TJP3: variants seen among roughly 807,000 people sequenced by gnomAD.
TJP3 encodes the protein tight junction protein ZO-3.
A neutral mutation model predicts 104.2 loss-of-function variants in TJP3; 85 were observed. The ratio of observed to expected loss-of-function variants is 0.82; its 90% CI spans 0.68 to 0.98. TJP3 has a LOEUF of 0.98. TJP3 is among the 50% of genes least tolerant of loss of function. TJP3 has a pLI of 0.00. For synonymous variants in TJP3, 550 were observed against 550.6 expected (o/e 1.00, Z 0.02); for missense variants, 1,367 against 1,322.8 (o/e 1.03, Z -0.52).
At chr19:3,745,012 C>A (rs2036867451) in intron 15 of TJP3, among the ~76,000 whole-genome samples, 1 of 151,242 alleles carries the variant, frequency 6.6e-6, no homozygotes, top group South Asian at 2.1e-4. Flanking sequence ...CTTTGAGAGG[C>A]CAAGGTGTGA....
intron 1 of TJP3, among the ~76,000 whole-genome samples, chr19:3,716,797 A>AT (rs1251840414): frequency 0.019 from 1,276 of 67,712 alleles, 33 homozygotes; most frequent in African/African-American, 0.033. Context: ...ATATATATAT[A>AT]TATATTTTTT....
Position 3,747,850 on chromosome 19 carries a change from C to T in TJP3, c.2379C>T (p.Ser793=). The change falls in exon 19 of 21, where the codon AGC becomes AGT. Residue 793 remains serine, a synonymous_variant. Transcript: ENST00000541714. ...LDLPHHGLAD[S]SADLSCDSRV... is the part of the protein sequence containing the mutation. ...TCCCTCACCACGGCCTGGCCGACAG[C>T]TCCGCTGACCTCAGCTGCGACAGCC... is the stretch of plus-strand genomic sequence containing the variant. 1 of 1,611,238 alleles carries T rather than the reference C, an allele frequency of 6.2e-7. No homozygotes were observed.
At chr19:3,744,136 A>G (rs2036856437) in intron 15 of TJP3, 102 bp downstream of exon 15, 4 of 1,055,228 alleles carry the variant, frequency 3.8e-6, no homozygotes, top group Admixed American at 1.9e-5. Flanking sequence ...GGCAAACATG[A>G]AGCAGATGGG....
chr19:3,714,513 C>T (rs141318601), intron 1 of TJP3, among the ~76,000 whole-genome samples: 190 of 152,036 alleles, frequency 1.2e-3, no homozygotes, highest in Non-Finnish European at 1.6e-3. Context: ...GTACTGCATA[C>T]ACAGTGATGG....
chr19:3,736,435 C>A, intron 11 of TJP3, 114 bp downstream of exon 11: 1 of 1,104,108 alleles, frequency 9.1e-7, no homozygotes, highest in Non-Finnish European at 1.2e-6. Context: ...GTCGAGACCC[C>A]AGATGGGTAT....
chr19:3,730,009 A>C lies in TJP3; in HGVS notation c.159-19A>C, dbSNP rs1452338157. The C allele has an allele frequency of 6.2e-7, 1 of 1,610,180 alleles. No homozygotes were observed. The highest frequency in any genetic ancestry group is 1.1e-5 in the South Asian group (1 of 90,992). ...TCCCCTGCAAAGCCTCCTCCGTAAG[A>C]CCCGCCCTCCTCTCTCAGGACAGGC... On this transcript the variant is annotated intron_variant, in intron 3 of 20. Transcript: ENST00000541714. This position sits in a 1 kb window ranked among gnomAD's most constrained non-coding sequence, Gnocchi z 7.3.
intron 1 of TJP3, among the ~76,000 whole-genome samples, chr19:3,721,085 G>A (rs140318126): frequency 0.012 from 1,827 of 151,944 alleles, 21 homozygotes; most frequent in Middle Eastern, 0.027. Flanking sequence ...ACTTTTAGTA[G>A]AGACAGACGT....
intron 14 of TJP3, among the ~76,000 whole-genome samples, chr19:3,741,307 T>A (rs1256409051): frequency 1.3e-5 from 2 of 151,922 alleles, no homozygotes; most frequent in Non-Finnish European, 2.9e-5. Flanking sequence ...GGCCTCTACA[T>A]CAAATTTAAA....
At chr19:3,728,529 G>C in intron 2 of TJP3, 49 bp downstream of exon 2, 1 of 1,599,342 alleles carries the variant, frequency 6.3e-7, no homozygotes. Flanking sequence ...TGGCGGCTTA[G>C]GCCCAGCTCA....
chr19:3,710,474 C>T (rs1444039998), intron 1 of TJP3, among the ~76,000 whole-genome samples: 1 of 152,186 alleles, frequency 6.6e-6, no homozygotes, highest in Non-Finnish European at 1.5e-5. Flanking sequence ...ATGCCTCAGG[C>T]TCAGCATCTC....
Position 3,728,416 on chromosome 19 carries a change from T to C in TJP3, c.-9-8T>C, listed in dbSNP as rs147886229. 216 of 1,614,114 alleles carry C rather than the reference T, an allele frequency of 1.3e-4. 1 individual carries two copies. In the African/African-American group the frequency reaches 2.6e-3, roughly 20 times the overall value. On this transcript the variant is annotated splice_region_variant and splice_polypyrimidine_tract_variant and intron_variant, in intron 1 of 20. Transcript: ENST00000541714. ...CTCATGCCCATCTTCCCCGCTCCCC[T>C]CGACCAGGTGGCTGACATGGAGGAG...
rs1018103637 is a variant in TJP3, at chr19:3,747,904, C to T, written c.2433C>T (p.Gly811=). The T allele has an allele frequency of 6.2e-6, 10 of 1,613,066 alleles. No homozygotes were observed. Among genetic ancestry groups the T allele is most frequent in the Middle Eastern group, 1.7e-4 (1 of 6,044 alleles). ...SRVNSDYETD[G]EGGAYTDGEG... is the part of the protein sequence containing the mutation. ...TTAACAGCGACTACGAGACGGACGG[C>T]GAGGGCGGCGCGTACACGGATGGCG... is the stretch of plus-strand genomic sequence containing the variant. The change falls in exon 19 of 21, where the codon GGC becomes GGT. Residue 811 remains glycine (G), a synonymous_variant. Coordinates refer to ENST00000541714, the MANE Select transcript of TJP3 (RefSeq NM_001267560.2).
chr19:3,747,225 T>C lies in TJP3; in HGVS notation c.2322+349T>C, dbSNP rs567187685. Reference sequence around the variant, plus strand: ...ACAGGCGAGCGCTACCAGGCCCAGCTAATTTTTGTATTTTTAGCAGAGACG... The same window carrying C: ...ACAGGCGAGCGCTACCAGGCCCAGCCAATTTTTGTATTTTTAGCAGAGACG... On this transcript the variant is annotated intron_variant, in intron 18 of 20. Transcript: ENST00000541714. 2.3e-3 allele frequency among the ~76,000 whole-genome samples: 342 copies of C among 149,610 alleles called. 4 individuals are homozygous for C. Among genetic ancestry groups the C allele is most frequent in the Non-Finnish European group, 1.3e-3 (86 of 67,682 alleles).
intron 1 of TJP3, among the ~76,000 whole-genome samples, chr19:3,709,284 T>TG (rs781503899): frequency 6.6e-6 from 1 of 152,048 alleles, no homozygotes; most frequent in African/African-American, 2.4e-5. Context: ...TTAGTAGAGA[T>TG]GGGGTTTCAC....
chr19:3,721,320 G>C (rs959324448), intron 1 of TJP3, among the ~76,000 whole-genome samples: 3 of 152,120 alleles, frequency 2.0e-5, no homozygotes, highest in Non-Finnish European at 4.4e-5. Flanking sequence ...CTGGCCTCTG[G>C]GGCCTCCGGT....
chr19:3,740,620 G>C lies in TJP3; in HGVS notation c.1700G>C (p.Gly567Ala). ...AVGVGPGSSA[G>A]SNARAEFWRL... The stretch of plus-strand genomic sequence containing the variant: ...GGAGTCGGGCCCGGCTCCTCCGCGG[G>C]CTCCAATGCTCGGGCCGAGTTCTGG... The change falls in exon 14 of 21, where the codon GGC becomes GCC. Residue 567 changes from glycine to alanine, a missense_variant. Transcript: ENST00000541714. 1 of 1,584,344 alleles carries C rather than the reference G, an allele frequency of 6.3e-7. No homozygotes were observed.
chr19:3,733,689 T>C, intron 6 of TJP3, 64 bp from the exon 7 acceptor site: 1 of 1,592,838 alleles, frequency 6.3e-7, no homozygotes. Context: ...CACACCAGGC[T>C]GTTTCTACTG....
Position 3,740,690 on chromosome 19 carries a change from G to A in TJP3, c.1770G>A (p.Arg590=). 1 of 1,607,046 alleles carries A rather than the reference G, an allele frequency of 6.2e-7. No individual in the cohort carries two copies. Among genetic ancestry groups the A allele is most frequent in the Admixed American group, 1.7e-5 (1 of 59,298 alleles). The change falls in exon 14 of 21, where the codon CGG becomes CGA. Residue 590 remains arginine (R), a synonymous_variant. Coordinates refer to ENST00000541714, the MANE Select transcript of TJP3 (RefSeq NM_001267560.2). ...GAGGAGCCAAGAAGACCACTCAGCGGAGCCGTGAGGACCTCTCAGCTCTGA... is the reference window on the plus strand; with the variant it reads ...GAGGAGCCAAGAAGACCACTCAGCGAAGCCGTGAGGACCTCTCAGCTCTGA... The part of the protein sequence containing the change: ...LRRGAKKTTQ[R]SREDLSALTR...
chr19:3,750,668 C>CG lies in TJP3; in HGVS notation c.2746dup (p.Ala916GlyfsTer3), dbSNP rs750200491. ...GATGAAGACGGCTATGACTGGGGTCCGGCCACTGACCTGTGACCTCTCGAA... is the reference window on the plus strand; with the variant it reads ...GATGAAGACGGCTATGACTGGGGTCCGGGCCACTGACCTGTGACCTCTCGAA... On this transcript the variant is annotated frameshift_variant, in exon 21 of 21. Transcript: ENST00000541714. LOFTEE classifies it high-confidence loss of function. 3 of 1,601,848 alleles carry CG rather than the reference C, an allele frequency of 1.9e-6. No homozygotes were observed. The highest frequency in any genetic ancestry group is 2.2e-5 in the South Asian group (2 of 88,976).
Sources: gnomAD v4.1 joint callset for allele counts (sites outside exome capture counted in the v4.1 genomes callset) on GRCh38, gnomAD v4.1.1 for gene constraint, Gnocchi (gnomAD v3.1) non-coding constraint, MANE v1.5 for transcripts, NCBI Gene and HGNC (gene_info 2026-07-23, HGNC 2026-07-21) for gene names.